Variants in C6orf118 observed in about 807,000 individuals in gnomAD.
C6orf118 encodes chromosome 6 open reading frame 118.
Under a neutral mutation model 50.2 loss-of-function variants are expected in C6orf118, and 50 were observed. The ratio of observed to expected loss-of-function variants is 1.00; its 90% CI spans 0.79 to 1.26. The LOEUF (loss-of-function observed/expected upper bound fraction) is 1.26. Among genes scored for constraint, C6orf118 ranks in the 50% most tolerant of loss-of-function variants. C6orf118 has a pLI of 0.00. For synonymous variants in C6orf118, 239 were observed against 230.9 expected, an observed-to-expected ratio of 1.03 and a Z score of -0.32; for missense variants, 641 against 578.7, an observed-to-expected ratio of 1.11 and a Z score of -1.10.
chr6:165,301,586 C>G lies in C6orf118; in HGVS notation c.736G>C (p.Glu246Gln), dbSNP rs1400884378. Residue 246 changes from glutamate to glutamine, a missense_variant, in exon 2 of 9, where the codon GAG becomes CAG. By Grantham distance (29) the Glu-to-Gln change is conservative. Coordinates refer to ENST00000230301, the MANE Select transcript of C6orf118 (RefSeq NM_144980.4). ...FTGSKAAAGH[E>Q]RKLQQELQKI... ...CTCCTCACCTGCTGCAGCTTTCTCT[C>G]GTGGCCCGCGGCCGCCTTGCTCCCA... 1 of 1,612,622 alleles carries G rather than the reference C, an allele frequency of 6.2e-7. No homozygotes were observed.
At chr6:165,293,711 A>C (rs1285239867) in intron 5 of C6orf118, among the ~76,000 whole-genome samples, 1 of 152,248 alleles carries the variant, frequency 6.6e-6, no homozygotes, top group Non-Finnish European at 1.5e-5. Context: ...AATTTAAAAT[A>C]AATGATTTCC....
At chr6:165,306,331 G>A (rs1464978976) in intron 1 of C6orf118, among the ~76,000 whole-genome samples, 3 of 67,474 alleles carry the variant, frequency 4.4e-5, no homozygotes, top group Admixed American at 1.8e-4. Context: ...TGGTGGGGTC[G>A]GGGGAGGGGG....
At position 165,298,206 on chromosome 6, in the gene C6orf118, A is replaced by G. The variant is rs1780385688; in HGVS notation, c.937-105T>C. On this transcript the variant is annotated intron_variant, in intron 4 of 8. Coordinates refer to ENST00000230301, the MANE Select transcript of C6orf118 (RefSeq NM_144980.4). Reference sequence around the variant, plus strand: ...CGTTTTCAAGGTGCCCTGGGTTAACATATAAGTTCTAGTTAAAATAGGTAA... The same window carrying G: ...CGTTTTCAAGGTGCCCTGGGTTAACGTATAAGTTCTAGTTAAAATAGGTAA... 5 of 1,375,670 alleles carry G rather than the reference A, an allele frequency of 3.6e-6. No homozygotes were observed. In the African/African-American group the frequency reaches 5.9e-5, roughly 16 times the overall value. The allele number at this position is 1,375,670 out of a possible 1,614,324, so 85.2% of individuals were successfully genotyped here. A position where few individuals can be genotyped will look rare whatever the true frequency, so the allele number is the denominator to read the frequency against.
intron 4 of C6orf118, 93 bp downstream of exon 4, chr6:165,299,350 G>T: frequency 9.1e-7 from 1 of 1,093,152 alleles, no homozygotes; most frequent in Non-Finnish European, 1.4e-6. Flanking sequence ...GCACACATGG[G>T]GCTTCTTGGA....
chr6:165,288,154 C>T (rs1337915763), intron 7 of C6orf118, among the ~76,000 whole-genome samples: 1 of 152,090 alleles, frequency 6.6e-6, no homozygotes, highest in Non-Finnish European at 1.5e-5. Context: ...AGAAGACATA[C>T]ATGTGGCCAA....
intron 7 of C6orf118, among the ~76,000 whole-genome samples, chr6:165,284,662 G>A (rs898258182): frequency 1.3e-5 from 2 of 152,132 alleles, no homozygotes; most frequent in Non-Finnish European, 2.9e-5. Context: ...GAGATTGGGG[G>A]TCAATACCTA....
chr6:165,301,894 T>G lies in C6orf118; in HGVS notation c.428A>C (p.Glu143Ala), dbSNP rs1439523439. The part of the protein sequence containing the change: ...NPQASLSHTS[E>A]EDFLPVEAVR... ...AGCCTCCACTGGAAGGAAATCCTCC[T>G]CTGAAGTGTGGGAAAGAGAGGCCTG... The change falls in exon 2 of 9, where the codon GAG (glutamate) becomes GCG (alanine). Residue 143 changes from glutamate to alanine, a missense_variant. Physicochemically the swap from Glu to Ala is moderately radical, Grantham distance 107 (BLOSUM62 -1). Transcript: ENST00000230301. 1.2e-6 allele frequency: 2 copies of G among 1,613,652 alleles called. No homozygotes were observed. Among genetic ancestry groups the G allele is most frequent in the Non-Finnish European group, 1.7e-6 (2 of 1,179,982 alleles).
chr6:165,281,584 C>G, intron 8 of C6orf118, 56 bp downstream of exon 8: 1 of 1,475,974 alleles, frequency 6.8e-7, no homozygotes. Context: ...ACAGGACAAG[C>G]AGTCACCAGA....
chr6:165,287,258 C>G (rs1000449581), intron 7 of C6orf118, among the ~76,000 whole-genome samples: 9 of 152,014 alleles, frequency 5.9e-5, no homozygotes, highest in Non-Finnish European at 1.3e-4. Flanking sequence ...AACTACAAAC[C>G]ACTACTCAAG....
At chr6:165,299,567 G>A (rs994349853) in intron 3 of C6orf118, 65 bp from the exon 4 acceptor site, 17 of 1,240,988 alleles carry the variant, frequency 1.4e-5, no homozygotes, top group South Asian at 5.1e-5. Context: ...GGTGTTTCAC[G>A]TGTATAAATA....
intron 1 of C6orf118, among the ~76,000 whole-genome samples, chr6:165,308,718 C>G (rs765411694): frequency 6.6e-6 from 1 of 152,146 alleles, no homozygotes; most frequent in Non-Finnish European, 1.5e-5. Context: ...CACAACAGCC[C>G]AGGAGGTAGG....
chr6:165,307,797 G>A (rs966572328), intron 1 of C6orf118, among the ~76,000 whole-genome samples: 6 of 152,184 alleles, frequency 3.9e-5, no homozygotes, highest in African/African-American at 1.4e-4. Context: ...CTGGAGGAGA[G>A]CGGGAGCCTC....
rs551743540 is a variant in C6orf118, at chr6:165,300,351, G to A, written c.876+13C>T. On this transcript the variant is annotated intron_variant, in intron 3 of 8. Transcript: ENST00000230301. ...GCTTCTCAACTGTTATGCTGAAGATGTATGTTTCTTACCTTAACTTTTTTC... is the reference window on the plus strand; with the variant it reads ...GCTTCTCAACTGTTATGCTGAAGATATATGTTTCTTACCTTAACTTTTTTC... The A allele has an allele frequency of 3.7e-6, 6 of 1,613,608 alleles. No homozygotes were observed. In the South Asian group the frequency reaches 4.4e-5, roughly 12 times the overall value.
At chr6:165,302,991 G>A (rs896485424) in intron 1 of C6orf118, among the ~76,000 whole-genome samples, 29 of 152,190 alleles carry the variant, frequency 1.9e-4, no homozygotes, top group Non-Finnish European at 2.1e-4. Flanking sequence ...CAGGTAACAC[G>A]TTACTGAACA....
intron 3 of C6orf118, 65 bp downstream of exon 3, chr6:165,300,299 C>T: frequency 6.3e-7 from 1 of 1,579,064 alleles, no homozygotes; most frequent in South Asian, 1.1e-5. Flanking sequence ...GGCTTGAGAT[C>T]ATTCTTGTAC....
intron 7 of C6orf118, among the ~76,000 whole-genome samples, chr6:165,283,821 GGTC>G (rs1779818119): frequency 6.6e-6 from 1 of 152,096 alleles, no homozygotes; most frequent in Non-Finnish European, 1.5e-5. Context: ...CCCATCCAAA[GGTC>G]AGCACTCTCA....
In C6orf118 at chr6:165,298,046, A is replaced by G. The variant is rs1780374857; in HGVS notation, c.992T>C (p.Met331Thr). Residue 331 changes from methionine to threonine, a missense_variant, in exon 5 of 9, where the codon ATG (methionine) becomes ACG (threonine). Met to Thr is a moderately conservative substitution (Grantham distance 81). Transcript: ENST00000230301. ...CCTCAGCTCTTCCCTGGCGAGATCC[A>G]TGTCCGCCGTCTTCACCGGCCTCTG... The part of the protein sequence containing the change: ...LGQRPVKTAD[M>T]DLAREELRML... 3 of 1,613,478 alleles carry G rather than the reference A, an allele frequency of 1.9e-6. No individual in the cohort carries two copies. The highest frequency in any genetic ancestry group is 1.3e-5 in the African/African-American group (1 of 74,908).
At chr6:165,280,792 C>G (rs1045977526) in intron 8 of C6orf118, among the ~76,000 whole-genome samples, 1 of 152,152 alleles carries the variant, frequency 6.6e-6, no homozygotes, top group African/African-American at 2.4e-5. Context: ...CATATTGAGA[C>G]CCCGAGGAGG....
At chr6:165,308,524 C>A (rs1476304188) in intron 1 of C6orf118, among the ~76,000 whole-genome samples, 1 of 152,124 alleles carries the variant, frequency 6.6e-6, no homozygotes, top group African/African-American at 2.4e-5. Context: ...GGAAGGGGTT[C>A]TTCCCCAGAT....
Sources: gnomAD v4.1 joint callset for allele counts (sites outside exome capture counted in the v4.1 genomes callset) on GRCh38, gnomAD v4.1.1 for gene constraint, MANE v1.5 for transcripts, NCBI Gene and HGNC (gene_info 2026-07-23, HGNC 2026-07-21) for gene names.